RALGAPA1: variants seen among roughly 807,000 people sequenced by gnomAD.
RALGAPA1 encodes the protein ral GTPase-activating protein subunit alpha-1.
RALGAPA1 carries 52 observed loss-of-function variants against 269.6 expected under a neutral mutation model. The ratio of observed to expected loss-of-function variants is 0.19; its 90% CI spans 0.15 to 0.24. The LOEUF (loss-of-function observed/expected upper bound fraction) is 0.24. Among genes scored for constraint, RALGAPA1 ranks in the 10% least tolerant of loss-of-function variants. The pLI, the probability that RALGAPA1 is intolerant of heterozygous loss-of-function variation, is 1.00. For synonymous variants in RALGAPA1, 817 were observed against 1,008.3 expected, an observed-to-expected ratio of 0.81 and a Z score of 3.60; for missense variants, 1,917 against 3,013.9, an observed-to-expected ratio of 0.64 and a Z score of 8.52.
intron 34 of RALGAPA1, among the ~76,000 whole-genome samples, chr14:35,625,734 T>C (rs980074717): frequency 2.0e-5 from 3 of 152,210 alleles, no homozygotes; most frequent in Non-Finnish European, 4.4e-5. Context: ...TGTATTTCTT[T>C]TCAAGAGTCT....
At position 35,634,687 on chromosome 14, in the gene RALGAPA1, T is replaced by A. The variant is rs2061561850; in HGVS notation, c.5882A>T (p.Asp1961Val). Residue 1961 changes from aspartate (D) to valine (V), a missense_variant, in exon 33 of 42, where the codon GAT becomes GTT. Physicochemically the swap from Asp to Val is radical, Grantham distance 152 (BLOSUM62 -3). Coordinates refer to ENST00000680220, the MANE Select transcript of RALGAPA1 (RefSeq NM_001346249.2). ...AGGATCATAATCTACAGATGCCAAA[T>A]CAGAGAGGCTCATGGGAAAATACCT... ...NPRYFPMSLS[D>V]LASVDYDPFM... The A allele has an allele frequency of 6.2e-7, 1 of 1,613,572 alleles. No individual in the cohort carries two copies. Among genetic ancestry groups the A allele is most frequent in the Non-Finnish European group, 8.5e-7 (1 of 1,179,690 alleles).
chr14:35,585,062 G>T (rs2058193058), intron 37 of RALGAPA1, among the ~76,000 whole-genome samples: 1 of 152,136 alleles, frequency 6.6e-6, no homozygotes, highest in South Asian at 2.1e-4. Flanking sequence ...TTCAGAGCAA[G>T]AAAGTTATCA....
intron 35 of RALGAPA1, among the ~76,000 whole-genome samples, chr14:35,614,331 G>A (rs2060124395): frequency 6.6e-6 from 1 of 152,140 alleles, no homozygotes; most frequent in African/African-American, 2.4e-5. Context: ...TCCATCGACT[G>A]ATGAATGGAT....
At chr14:35,703,360 C>A (rs530963381) in intron 16 of RALGAPA1, among the ~76,000 whole-genome samples, 1 of 152,178 alleles carries the variant, frequency 6.6e-6, no homozygotes, top group African/African-American at 2.4e-5. Context: ...TCCCTGTGGT[C>A]CCAGCTACTC....
At chr14:35,752,340 A>G (rs141928042) in intron 7 of RALGAPA1, among the ~76,000 whole-genome samples, 178 bp from the exon 8 acceptor site, 91 of 152,330 alleles carry the variant, frequency 6.0e-4, no homozygotes, top group Admixed American at 1.4e-3. Flanking sequence ...AAACAAGTAC[A>G]TTATGTATAT....
intron 36 of RALGAPA1, 97 bp downstream of exon 36, chr14:35,605,489 T>C (rs1274541654): frequency 7.9e-7 from 1 of 1,261,766 alleles, no homozygotes; most frequent in East Asian, 2.6e-5. Context: ...AGTTGTTGTA[T>C]CTCCTAAAAT....
At chr14:35,744,313 G>A (rs1223379330) in intron 10 of RALGAPA1, among the ~76,000 whole-genome samples, 1 of 149,624 alleles carries the variant, frequency 6.7e-6, no homozygotes, top group Non-Finnish European at 1.5e-5. Flanking sequence ...GGAAGTTGCG[G>A]TAAGCTGAGA....
Position 35,697,270 on chromosome 14 carries a change from T to C in RALGAPA1, c.2407+2892A>G, listed in dbSNP as rs191215288. Among the ~76,000 whole-genome samples, 350 of 152,314 alleles carry C rather than the reference T, an allele frequency of 2.3e-3. 3 individuals are homozygous for C. Among genetic ancestry groups the C allele is most frequent in the Admixed American group, 6.7e-3 (103 of 15,290 alleles). ...CTTAATGGCACAGGATATCAATATG[T>C]GTACTTGGAAAGGTGTTCTGTGCTT... On this transcript the variant is annotated intron_variant, in intron 17 of 41. Coordinates refer to ENST00000680220, the MANE Select transcript of RALGAPA1 (RefSeq NM_001346249.2).
In RALGAPA1 at chr14:35,538,573, G is replaced by A. The variant is rs1426320683; in HGVS notation, c.*1141C>T. On this transcript the variant is annotated 3_prime_UTR_variant, in exon 42 of 42. Coordinates refer to ENST00000680220, the MANE Select transcript of RALGAPA1 (RefSeq NM_001346249.2). ...ACAAAATGTGAGCAGCTTATCTACT[G>A]TAAGAAAATACTTCTAGAGGGTGGA... 5 of 152,560 alleles carry A rather than the reference G, an allele frequency of 3.3e-5. No individual in the cohort carries two copies. In the East Asian group the frequency reaches 9.6e-4, roughly 29 times the overall value. The allele number at this position is 152,560 out of a possible 1,614,324, so 9.5% of individuals were successfully genotyped here. A position where few individuals can be genotyped will look rare whatever the true frequency, so the allele number is the denominator to read the frequency against.
chr14:35,689,623 A>G lies in RALGAPA1; in HGVS notation c.2788T>C (p.Tyr930His). Residue 930 changes from tyrosine (Y) to histidine (H), a missense_variant, in exon 18 of 42, where the codon TAC becomes CAC. By Grantham distance (83) the Tyr-to-His change is moderately conservative. Around this residue, in one of 11 missense-constraint regions of RALGAPA1, gnomAD observed 615 missense variants for 790.0 expected, o/e 0.78. Transcript: ENST00000680220. ...LADSAFEQIQ[Y>H]IDLEGDDDLL... ...TCATCATCTCCTTCAAGGTCAATGT[A>G]CTGGATTTGTTCAAAAGCTGAATCT... 1 of 1,264,472 alleles carries G rather than the reference A, an allele frequency of 7.9e-7. No homozygotes were observed. The allele number at this position is 1,264,472 out of a possible 1,614,324, so 78.3% of individuals were successfully genotyped here.
At chr14:35,612,641 C>G (rs2060017923) in intron 35 of RALGAPA1, among the ~76,000 whole-genome samples, 1 of 151,404 alleles carries the variant, frequency 6.6e-6, no homozygotes, top group Admixed American at 6.6e-5. Flanking sequence ...CAGGTTCATG[C>G]CACTCTCCTG....
chr14:35,565,394 TAC>T (rs1300480869), intron 39 of RALGAPA1, among the ~76,000 whole-genome samples: 4 of 151,630 alleles, frequency 2.6e-5, no homozygotes, highest in Middle Eastern at 3.5e-3. Context: ...TTTATACTGT[TAC>T]AGTTATATTT....
Position 35,683,590 on chromosome 14 carries a change from T to C in RALGAPA1, c.4471+219A>G, listed in dbSNP as rs139958256. ...GTGCATATATATACAAAATATTGCA[T>C]AAAATACTACAAGTTCACAGAGTCC... On this transcript the variant is annotated intron_variant, in intron 21 of 41. Coordinates refer to ENST00000680220, the MANE Select transcript of RALGAPA1 (RefSeq NM_001346249.2). The C allele has an allele frequency of 2.3e-3, 968 of 414,084 alleles. 2 individuals are homozygous for C. Among genetic ancestry groups the C allele is most frequent in the African/African-American group, 0.016 (809 of 50,270 alleles). 25.7% of individuals were successfully genotyped at this position (414,084 alleles called of 1,614,324 possible). A position where few individuals can be genotyped will look rare whatever the true frequency, so the allele number is the denominator to read the frequency against.
intron 30 of RALGAPA1, among the ~76,000 whole-genome samples, chr14:35,653,720 C>T (rs2062995626): frequency 6.6e-6 from 1 of 151,688 alleles, no homozygotes; most frequent in African/African-American, 2.4e-5. Flanking sequence ...AGAGCAAGAC[C>T]ACACAAACCA....
intron 16 of RALGAPA1, among the ~76,000 whole-genome samples, chr14:35,717,861 A>G (rs559893848): frequency 4.6e-5 from 7 of 152,156 alleles, no homozygotes; most frequent in African/African-American, 1.7e-4. Context: ...CCTGGCCAAC[A>G]TTTTTTTGAT....
At chr14:35,777,393 G>T (rs542607552) in intron 1 of RALGAPA1, among the ~76,000 whole-genome samples, 1 of 152,132 alleles carries the variant, frequency 6.6e-6, no homozygotes, top group Non-Finnish European at 1.5e-5. Flanking sequence ...ACTAGGCAGC[G>T]TTACCTCTAG....
At chr14:35,758,448 C>G (rs2073395564) in intron 6 of RALGAPA1, among the ~76,000 whole-genome samples, 1 of 151,974 alleles carries the variant, frequency 6.6e-6, no homozygotes, top group Non-Finnish European at 1.5e-5. Context: ...GGGGAGTATA[C>G]AGAGACTCCA....
chr14:35,717,551 A>C (rs2068945421), intron 16 of RALGAPA1, among the ~76,000 whole-genome samples: 1 of 152,076 alleles, frequency 6.6e-6, no homozygotes, highest in Admixed American at 6.6e-5. Flanking sequence ...TGATACAGGA[A>C]GTTCCAACTT....
At chr14:35,732,775 A>G (rs997260447) in intron 12 of RALGAPA1, among the ~76,000 whole-genome samples, 2 of 152,212 alleles carry the variant, frequency 1.3e-5, no homozygotes, top group African/African-American at 4.8e-5. Flanking sequence ...GACCTAAGAA[A>G]TGAGATAGAC....
Sources: gnomAD v4.1 joint callset for allele counts (sites outside exome capture counted in the v4.1 genomes callset) on GRCh38, gnomAD v4.1.1 for gene constraint, gnomAD v4.1.1 regional missense constraint, MANE v1.5 for transcripts, NCBI Gene and HGNC (gene_info 2026-07-23, HGNC 2026-07-21) for gene names.